Variants in FRMD1 observed in about 807,000 individuals in gnomAD.
The protein encoded by FRMD1 is FERM domain-containing protein 1.
In FRMD1, 51 loss-of-function variants were observed where a neutral mutation model predicts 54.9. The observed-to-expected ratio is 0.93, with a 90% CI of 0.74 to 1.17. The LOEUF (loss-of-function observed/expected upper bound fraction) is 1.17, where lower values mean the gene tolerates loss of function less well. Ranked by LOEUF, FRMD1 falls within the 50% of genes most tolerant of loss-of-function variation. FRMD1 has a pLI of 0.00. For missense variants in FRMD1, 729 were observed against 743.0 expected (o/e 0.98, Z 0.22); for synonymous variants, 324 against 306.4 (o/e 1.06, Z -0.60).
intron 4 of FRMD1, chr6:168,065,596 C>T: frequency 1.0e-6 from 1 of 986,686 alleles, no homozygotes; most frequent in South Asian, 4.7e-5. Flanking sequence ...GTAGCTCCAT[C>T]CATCAACCCA....
At position 168,064,911 on chromosome 6, in the gene FRMD1, G is replaced by T. The variant is rs1199967078; in HGVS notation, c.608C>A (p.Ala203Asp). 2 of 1,598,256 alleles carry T rather than the reference G, an allele frequency of 1.3e-6. No homozygotes were observed. Among genetic ancestry groups the T allele is most frequent in the South Asian group, 1.1e-5 (1 of 88,890 alleles). Reference sequence around the variant, plus strand: ...GGAGTGTGGCTCGAAGTACCTCCCGGCATGGGCCGACTCCCGGTGCTCGCC... The same window carrying T: ...GGAGTGTGGCTCGAAGTACCTCCCGTCATGGGCCGACTCCCGGTGCTCGCC... ...DLGEHRESAHAGRYFEPHSYF... is the reference protein window; with the variant it reads ...DLGEHRESAHDGRYFEPHSYF... The change falls in exon 5 of 11, where the codon GCC (alanine) becomes GAC (aspartate). Residue 203 changes from alanine to aspartate, a missense_variant. Physicochemically the swap from Ala to Asp is moderately radical, Grantham distance 126. Transcript: ENST00000283309.
intron 9 of FRMD1, among the ~76,000 whole-genome samples, chr6:168,060,457 T>C (rs1799662043): frequency 6.6e-6 from 1 of 151,964 alleles, no homozygotes; most frequent in Non-Finnish European, 1.5e-5. Flanking sequence ...GGACCTGGAC[T>C]CATCTGCAAC....
Position 168,067,413 on chromosome 6 carries a change from T to C in FRMD1, c.338A>G (p.Lys113Arg). 1 of 1,608,640 alleles carries C rather than the reference T, an allele frequency of 6.2e-7. No homozygotes were observed. Among genetic ancestry groups the C allele is most frequent in the Non-Finnish European group, 8.5e-7 (1 of 1,177,216 alleles). Residue 113 changes from lysine to arginine, a missense_variant, in exon 3 of 11, where the codon AAG becomes AGG. Lys to Arg is a conservative substitution (Grantham distance 26). Transcript: ENST00000283309. Reference protein sequence around the residue: ...NEYIFMDLEQKLSKYFSKDWK... With the variant: ...NEYIFMDLEQRLSKYFSKDWK... ...ATCTTTTGAGAAGTACTTGCTGAGC[T>C]TTTGCTCCAAATCCATAAATATATA...
rs545141379 is a variant in FRMD1 at position 168,061,919 on chromosome 6, C to T, written c.933G>A (p.Thr311=). The T allele has an allele frequency of 6.9e-6, 11 of 1,599,464 alleles. No individual in the cohort carries two copies. The highest frequency in any genetic ancestry group is 9.4e-6 in the Non-Finnish European group (11 of 1,174,362). The change falls in exon 8 of 11, where the codon ACG becomes ACA. Residue 311 remains threonine (T), a synonymous_variant. Coordinates refer to ENST00000283309, the MANE Select transcript of FRMD1 (RefSeq NM_024919.6). The stretch of plus-strand genomic sequence containing the variant: ...GGTGCCTGGACCGCCAGGTGCACCC[C>T]GTGTAGTAAACCAGCTTCTGTGCTG... ...LPAAQKLVYY[T]GCTWRSRHLL...
chr6:168,092,035 G>C (rs1048899939), intron 1 of FRMD1, among the ~76,000 whole-genome samples: 1 of 152,250 alleles, frequency 6.6e-6, no homozygotes, highest in African/African-American at 2.4e-5. Flanking sequence ...CCACAGCGCT[G>C]CACTTCCTGG....
intron 1 of FRMD1, 149 bp downstream of exon 1, chr6:168,078,733 C>A: frequency 1.6e-6 from 2 of 1,213,038 alleles, no homozygotes; most frequent in Non-Finnish European, 2.2e-6. Flanking sequence ...GCCCTCCTCA[C>A]CCCCATGGCT....
At chr6:168,057,504 C>T (rs1799475905) in intron 10 of FRMD1, 165 bp from the exon 11 acceptor site, 1 of 939,432 alleles carries the variant, frequency 1.1e-6, no homozygotes. Context: ...CCAGCACACA[C>T]CTCTGCGAGA....
At position 168,059,243 on chromosome 6, in the gene FRMD1, C is replaced by T. The variant is rs1799591260; in HGVS notation, c.1343-55G>A. The T allele has an allele frequency of 6.8e-7, 1 of 1,468,388 alleles. No homozygotes were observed. Among genetic ancestry groups the T allele is most frequent in the South Asian group, 1.2e-5 (1 of 82,462 alleles). 91.0% of individuals were successfully genotyped at this position (1,468,388 alleles called of 1,614,324 possible). A position where few individuals can be genotyped will look rare whatever the true frequency, so the allele number is the denominator to read the frequency against. On this transcript the variant is annotated intron_variant, in intron 9 of 10. Coordinates refer to ENST00000283309, the MANE Select transcript of FRMD1 (RefSeq NM_024919.6). This position sits in a 1 kb window ranked among gnomAD's most constrained non-coding sequence, Gnocchi z 4.4. ...TGTCTGGGTTCTGCCCGACATGGCT[C>T]CTCCCCAGGGCAGTTCCCTGCACTT...
intron 2 of FRMD1, among the ~76,000 whole-genome samples, chr6:168,069,347 C>T (rs1169040838): frequency 2.0e-5 from 3 of 152,336 alleles, no homozygotes; most frequent in South Asian, 2.1e-4. Context: ...TAGCTGCTTT[C>T]GTACTGCAAA....
In FRMD1 at chr6:168,057,074, C is replaced by T. The variant is rs376522298; in HGVS notation, c.*23G>A. The T allele has an allele frequency of 7.5e-5, 109 of 1,452,644 alleles. 1 individual carries two copies. The highest frequency in any genetic ancestry group is 6.5e-4 in the African/African-American group (45 of 69,614). 90.0% of individuals were successfully genotyped at this position (1,452,644 alleles called of 1,614,324 possible). A position where few individuals can be genotyped will look rare whatever the true frequency, so the allele number is the denominator to read the frequency against. On this transcript the variant is annotated 3_prime_UTR_variant, in exon 11 of 11. Transcript: ENST00000283309. ...CAGGGGCTGAGCCTGGCGGTGCGGACGGTACTGCTGGGTGGGTGGTGCCTA... is the reference window on the plus strand; with the variant it reads ...CAGGGGCTGAGCCTGGCGGTGCGGATGGTACTGCTGGGTGGGTGGTGCCTA...
At position 168,054,782 on chromosome 6, in the gene FRMD1, C is replaced by T. The variant is rs1213827034; in HGVS notation, c.*2315G>A. 1.3e-5 allele frequency: 2 copies of T among 152,336 alleles called. No individual in the cohort carries two copies. The highest frequency in any genetic ancestry group is 2.9e-5 in the Non-Finnish European group (2 of 68,138). 9.4% of individuals were successfully genotyped at this position (152,336 alleles called of 1,614,324 possible). A position where few individuals can be genotyped will look rare whatever the true frequency, so the allele number is the denominator to read the frequency against. ...GGATGGCCTTCTGCTTCCAGCTCCG[C>T]TCCTGCCCCTCCAGGTGTGGGTGAC... On this transcript the variant is annotated 3_prime_UTR_variant, in exon 11 of 11. Coordinates refer to ENST00000283309, the MANE Select transcript of FRMD1 (RefSeq NM_024919.6).
chr6:168,091,651 T>G (rs1801018494), intron 1 of FRMD1, among the ~76,000 whole-genome samples: 2 of 152,326 alleles, frequency 1.3e-5, no homozygotes, highest in African/African-American at 2.4e-5. Context: ...ATCTAGCAAG[T>G]GCTGGTGCTG....
At chr6:168,077,476 G>T (rs150788927) in intron 1 of FRMD1, among the ~76,000 whole-genome samples, 6 of 133,710 alleles carry the variant, frequency 4.5e-5, no homozygotes, top group African/African-American at 1.7e-4. Context: ...CCCTGTGGGG[G>T]GGTTCCTGTC....
intron 1 of FRMD1, among the ~76,000 whole-genome samples, chr6:168,078,232 G>GA (rs1389443450): frequency 1.1e-4 from 16 of 151,620 alleles, no homozygotes; most frequent in Admixed American, 3.3e-4. Context: ...GGGGGAAAGG[G>GA]AAAAGAAAAG....
intron 6 of FRMD1, 147 bp downstream of exon 6, chr6:168,063,454 C>T: frequency 1.0e-6 from 1 of 965,562 alleles, no homozygotes; most frequent in Non-Finnish European, 1.5e-6. Context: ...CCATCTATCC[C>T]TGCCCCGGGG....
rs1478401495 is a variant in FRMD1 at position 168,063,633 on chromosome 6, C to T, written c.772G>A (p.Asp258Asn). The change falls in exon 6 of 11, where the codon GAC (aspartate) becomes AAC (asparagine). Residue 258 changes from aspartate to asparagine, a missense_variant. Transcript: ENST00000283309. The part of the protein sequence containing the change: ...CFIQEACRLE[D>N]VPVHFFRLHK... ...AGCCTGAAGAAGTGCACGGGCACGT[C>T]CTCCAGCCGGCAGGCCTCCTGGATG... 1 of 1,613,296 alleles carries T rather than the reference C, an allele frequency of 6.2e-7. No homozygotes were observed. The highest frequency in any genetic ancestry group is 1.1e-5 in the South Asian group (1 of 91,028).
At chr6:168,083,452 C>T (rs1261177820), upstream of FRMD1, among the ~76,000 whole-genome samples, 6 of 152,236 alleles carry the variant, frequency 3.9e-5, no homozygotes, top group African/African-American at 1.2e-4. Context: ...AGAAAGGAGC[C>T]GCTGTGAACT....
At chr6:168,081,791 G>A (rs1800836133), upstream of FRMD1, 1 of 411,162 alleles carries the variant, frequency 2.4e-6, no homozygotes, top group African/African-American at 2.0e-5. Context: ...CTGGCAGCAG[G>A]GACTGCAGAG....
chr6:168,061,754 G>A (rs1799745376), intron 8 of FRMD1, 53 bp downstream of exon 8: 2 of 1,492,244 alleles, frequency 1.3e-6, no homozygotes, highest in Non-Finnish European at 1.8e-6. Context: ...GCCCAGCCTA[G>A]CCCAGAAGGC....
Sources: gnomAD v4.1 joint callset for allele counts (sites outside exome capture counted in the v4.1 genomes callset) on GRCh38, gnomAD v4.1.1 for gene constraint, Gnocchi (gnomAD v3.1) non-coding constraint, MANE v1.5 for transcripts, NCBI Gene and HGNC (gene_info 2026-07-23, HGNC 2026-07-21) for gene names.